SATB2: variants seen among roughly 807,000 people sequenced by gnomAD.
SATB2 encodes the protein SATB homeobox 2.
Under a neutral mutation model 73.4 loss-of-function variants are expected in SATB2, and 1 was observed. The ratio of observed to expected loss-of-function variants is 0.01; its 90% CI spans 0.00 to 0.06. SATB2 has a LOEUF of 0.06. SATB2 is among the 10% of genes least tolerant of loss of function. The probability of loss-of-function intolerance (pLI) is 1.00; values close to 1 mark genes in which losing one functional copy is unlikely to be tolerated. For missense variants in SATB2, 459 were observed against 945.8 expected (o/e 0.49, Z 6.75); for synonymous variants, 397 against 367.0 (o/e 1.08, Z -0.93).
chr2:199,339,081 G>A (rs1466868982), intron 7 of SATB2, among the ~76,000 whole-genome samples: 2 of 152,116 alleles, frequency 1.3e-5, no homozygotes, highest in East Asian at 1.9e-4. Context: ...GAGGAGAGTT[G>A]CATATGTTTG....
At chr2:199,429,627 C>T (rs1247720646) in intron 3 of SATB2, among the ~76,000 whole-genome samples, 5 of 152,118 alleles carry the variant, frequency 3.3e-5, no homozygotes, top group South Asian at 2.1e-4. Flanking sequence ...ATAAAATTGT[C>T]GGCCAGGCAC....
intron 7 of SATB2, among the ~76,000 whole-genome samples, chr2:199,334,489 A>C (rs181703669): frequency 1.7e-4 from 26 of 152,294 alleles, no homozygotes; most frequent in Admixed American, 1.6e-3. Context: ...CTAGAGGTGG[A>C]AGGAGCCTTG....
intron 10 of SATB2, among the ~76,000 whole-genome samples, chr2:199,281,172 T>C (rs1051607052): frequency 9.3e-5 from 14 of 151,300 alleles, no homozygotes; most frequent in African/African-American, 3.4e-4. Flanking sequence ...AGCGGGAGGT[T>C]GCAGTGAGCT....
chr2:199,449,616 T>C (rs796397143), intron 2 of SATB2, among the ~76,000 whole-genome samples: 2 of 152,216 alleles, frequency 1.3e-5, no homozygotes, highest in South Asian at 4.1e-4. Flanking sequence ...ACTCTGTAAG[T>C]CCTCAACTGG....
intron 3 of SATB2, among the ~76,000 whole-genome samples, chr2:199,402,322 T>G (rs932391134): frequency 6.6e-6 from 1 of 151,882 alleles, no homozygotes; most frequent in East Asian, 1.9e-4. Flanking sequence ...AAGGTGGAGG[T>G]TGCAGTGAGC....
intron 6 of SATB2, among the ~76,000 whole-genome samples, chr2:199,352,415 T>C (rs941689007): frequency 6.6e-6 from 1 of 152,202 alleles, no homozygotes; most frequent in African/African-American, 2.4e-5. Flanking sequence ...GAAACCTATA[T>C]GAATTGGTGC....
chr2:199,292,461 G>T (rs1451185913), intron 10 of SATB2, among the ~76,000 whole-genome samples: 3 of 152,204 alleles, frequency 2.0e-5, no homozygotes, highest in African/African-American at 7.2e-5. Context: ...CCCCAACCCT[G>T]ATGTGGAAAT....
intron 3 of SATB2, among the ~76,000 whole-genome samples, chr2:199,418,388 GATCAATT>G (rs1175789159): frequency 2.0e-5 from 3 of 152,054 alleles, no homozygotes; most frequent in African/African-American, 7.2e-5. Flanking sequence ...AAGTCATCGT[GATCAATT>G]GCTTATCCAC....
upstream of SATB2, among the ~76,000 whole-genome samples, chr2:199,461,790 GGT>G: frequency 6.6e-6 from 1 of 152,170 alleles, no homozygotes; most frequent in Non-Finnish European, 1.5e-5. Context: ...TAGTGTTAAA[GGT>G]GTATGGTTTT....
intron 3 of SATB2, among the ~76,000 whole-genome samples, chr2:199,405,408 C>G (rs1690601339): frequency 6.6e-6 from 1 of 152,126 alleles, no homozygotes; most frequent in South Asian, 2.1e-4. Flanking sequence ...GGATCTACCA[C>G]CAGGGGACCC....
At chr2:199,440,278 A>G (rs1222414566) in intron 2 of SATB2, among the ~76,000 whole-genome samples, 1 of 152,104 alleles carries the variant, frequency 6.6e-6, no homozygotes, top group Non-Finnish European at 1.5e-5. Context: ...GTCCTCTACT[A>G]GGCACCCAGC....
intron 4 of SATB2, among the ~76,000 whole-genome samples, chr2:199,380,734 C>T (rs913894700): frequency 2.0e-5 from 3 of 152,168 alleles, no homozygotes; most frequent in African/African-American, 2.4e-5. Flanking sequence ...ACAAGAGATG[C>T]TATTTTTATA....
At chr2:199,356,610 A>G (rs1688992180) in intron 6 of SATB2, among the ~76,000 whole-genome samples, 1 of 152,172 alleles carries the variant, frequency 6.6e-6, no homozygotes, top group Non-Finnish European at 1.5e-5. Context: ...ATAAATATTT[A>G]GGAATATTCA....
At chr2:199,314,259 C>T (rs1687670100) in intron 9 of SATB2, among the ~76,000 whole-genome samples, 3 of 152,150 alleles carry the variant, frequency 2.0e-5, no homozygotes, top group Admixed American at 1.3e-4. Context: ...AGTAGCTTCT[C>T]AATAAATAGT....
intron 7 of SATB2, among the ~76,000 whole-genome samples, chr2:199,337,093 C>A (rs2105807335): frequency 6.6e-6 from 1 of 152,212 alleles, no homozygotes; most frequent in East Asian, 1.9e-4. Flanking sequence ...TTTACATCTA[C>A]AACTTTAAAT....
At chr2:199,307,825 A>G (rs1008171017) in intron 10 of SATB2, among the ~76,000 whole-genome samples, 3 of 152,136 alleles carry the variant, frequency 2.0e-5, no homozygotes, top group Non-Finnish European at 4.4e-5. Context: ...CTCTATTTTT[A>G]TCAAGAAACT....
At position 199,349,007 on chromosome 2, in the gene SATB2, T is replaced by C. The variant is rs764603625; in HGVS notation, c.867A>G (p.Leu289=). The change falls in exon 7 of 11, where the codon TTA becomes TTG. Residue 289 remains leucine (L), a synonymous_variant. Coordinates refer to ENST00000417098, the MANE Select transcript of SATB2 (RefSeq NM_001172509.2). The stretch of plus-strand genomic sequence containing the variant: ...GAAGACCAGGGCTCATGATGGGCTG[T>C]AATGCGGGCACTTGGTTTCGGATTG... The part of the protein sequence containing the change: ...STPIRNQVPA[L]QPIMSPGLLS... The C allele has an allele frequency of 6.2e-7, 1 of 1,614,168 alleles. No individual in the cohort carries two copies. Among genetic ancestry groups the C allele is most frequent in the Non-Finnish European group, 8.5e-7 (1 of 1,179,996 alleles).
intron 3 of SATB2, among the ~76,000 whole-genome samples, chr2:199,429,896 C>T (rs993602465): frequency 6.6e-6 from 1 of 152,172 alleles, no homozygotes; most frequent in African/African-American, 2.4e-5. Context: ...GGTGACAGAG[C>T]GAGACTCCGT....
intron 5 of SATB2, among the ~76,000 whole-genome samples, chr2:199,369,411 T>C (rs980440324): frequency 1.3e-5 from 2 of 152,158 alleles, no homozygotes; most frequent in African/African-American, 4.8e-5. Flanking sequence ...AAGTGGAGCA[T>C]AGCCTGACAT....
Sources: gnomAD v4.1 joint callset for allele counts (sites outside exome capture counted in the v4.1 genomes callset) on GRCh38, gnomAD v4.1.1 for gene constraint, MANE v1.5 for transcripts, NCBI Gene and HGNC (gene_info 2026-07-23, HGNC 2026-07-21) for gene names.